CHIC1: variants seen among roughly 807,000 people sequenced by gnomAD.
The protein encoded by CHIC1 is cysteine-rich hydrophobic domain-containing protein 1.
A neutral mutation model predicts 18.5 loss-of-function variants in CHIC1; 7 were observed. That is an observed-to-expected ratio of 0.38 (90% CI 0.22 to 0.71). The LOEUF is 0.71. CHIC1 is among the 30% of genes least tolerant of loss of function. The probability of loss-of-function intolerance (pLI) is 0.49; values close to 1 mark genes in which losing one functional copy is unlikely to be tolerated. For missense variants in CHIC1, 159 were observed against 176.9 expected (o/e 0.90, Z 0.57); for synonymous variants, 77 against 73.5 (o/e 1.05, Z -0.25).
chrX:73,644,540 A>G (rs1488564806), intron 3 of CHIC1, among the ~76,000 whole-genome samples: 3 of 112,315 alleles, frequency 2.7e-5, no homozygotes, highest in South Asian at 3.7e-4. Flanking sequence ...CACCCAGTTC[A>G]AGCTTCCCGG....
At position 73,632,763 on chromosome X, in the gene CHIC1, CT is replaced by C. The variant is rs778008597; in HGVS notation, c.508-46540del. ...TAACCACCATTACAGTATTGTTATT[CT>C]TTTTTTTTTTTTTTTTTTTTTTGAG... On this transcript the variant is annotated intron_variant, in intron 3 of 5. Transcript: ENST00000373502. 2.8e-3 allele frequency among the ~76,000 whole-genome samples: 177 copies of C among 63,633 alleles called. 1 individual carries two copies. Among genetic ancestry groups the C allele is most frequent in the South Asian group, 5.5e-3 (7 of 1,268 alleles). 55.3% of individuals were successfully genotyped at this position (63,633 alleles called of 115,157 possible). A position where few individuals can be genotyped will look rare whatever the true frequency, so the allele number is the denominator to read the frequency against.
intron 3 of CHIC1, among the ~76,000 whole-genome samples, chrX:73,641,584 G>A (rs1050951171): frequency 5.4e-5 from 6 of 110,177 alleles, no homozygotes; most frequent in South Asian, 7.9e-4. Context: ...AGTTACCTAC[G>A]TATACATGTG....
At chrX:73,645,056 T>C (rs1200945435) in intron 3 of CHIC1, among the ~76,000 whole-genome samples, 1 of 112,318 alleles carries the variant, frequency 8.9e-6, no homozygotes, top group Non-Finnish European at 1.9e-5. Flanking sequence ...ACCCGTCTTC[T>C]GCGTCGCTCA....
At chrX:73,620,784 T>C (rs1201210149) in intron 3 of CHIC1, among the ~76,000 whole-genome samples, 1 of 112,148 alleles carries the variant, frequency 8.9e-6, no homozygotes, top group East Asian at 2.8e-4. Context: ...CATGCCTATG[T>C]CCTGAATGGT....
At chrX:73,564,791 G>GTTTTTTT (rs370930878) in intron 1 of CHIC1, among the ~76,000 whole-genome samples, 8 of 58,366 alleles carry the variant, frequency 1.4e-4, no homozygotes, top group African/African-American at 2.3e-4. Flanking sequence ...AACATGTTGA[G>GTTTTTTT]TTTTTTTTTT....
chrX:73,684,097 G>GTATT lies in CHIC1; in HGVS notation c.*3093_*3096dup, dbSNP rs1317403570. ...CTAGGTCTAAGAATACTTTACTAGT[G>GTATT]TATTATCTTTTATTTATTATGTAAA... On this transcript the variant is annotated 3_prime_UTR_variant, in exon 6 of 6. Coordinates refer to ENST00000373502, the MANE Select transcript of CHIC1 (RefSeq NM_001039840.4). The GTATT allele has an allele frequency of 9.0e-6, 1 of 111,605 alleles. No individual in the cohort carries two copies. Among genetic ancestry groups the GTATT allele is most frequent in the African/African-American group, 3.2e-5 (1 of 30,787 alleles). The allele number at this position is 111,605 out of a possible 1,213,427, so 9.2% of individuals were successfully genotyped here. A position where few individuals can be genotyped will look rare whatever the true frequency, so the allele number is the denominator to read the frequency against.
At chrX:73,595,100 C>A (rs983766524) in intron 3 of CHIC1, among the ~76,000 whole-genome samples, 6 of 111,094 alleles carry the variant, frequency 5.4e-5, no homozygotes, top group African/African-American at 1.6e-4. Flanking sequence ...GATTTCAATT[C>A]TTTTGGGTAT....
chrX:73,595,033 G>T (rs1403952342), intron 3 of CHIC1, among the ~76,000 whole-genome samples: 2 of 110,722 alleles, frequency 1.8e-5, no homozygotes, highest in African/African-American at 6.6e-5. Flanking sequence ...CCACCTTTTG[G>T]CTATTGGGAA....
At chrX:73,581,853 G>C (rs2057529247) in intron 2 of CHIC1, among the ~76,000 whole-genome samples, 1 of 110,791 alleles carries the variant, frequency 9.0e-6, no homozygotes, top group Non-Finnish European at 1.9e-5. Context: ...TAATGTTTTT[G>C]TTTTCAATTC....
chrX:73,674,002 A>G (rs1234641766), intron 3 of CHIC1, among the ~76,000 whole-genome samples: 1 of 112,011 alleles, frequency 8.9e-6, no homozygotes, highest in Non-Finnish European at 1.9e-5. Flanking sequence ...ATCTATTGCG[A>G]TAATCATGTA....
chrX:73,630,448 G>A (rs1243236126), intron 3 of CHIC1, among the ~76,000 whole-genome samples: 2 of 111,046 alleles, frequency 1.8e-5, no homozygotes, highest in Non-Finnish European at 3.8e-5. Flanking sequence ...TTTTTATTAT[G>A]AAATGATGTT....
chrX:73,609,436 C>G (rs1431953692), intron 3 of CHIC1, among the ~76,000 whole-genome samples: 1 of 108,891 alleles, frequency 9.2e-6, no homozygotes, highest in Non-Finnish European at 1.9e-5. Context: ...ATTTCTTGCT[C>G]TCTTGCCTAT....
rs772645131 is a variant in CHIC1 at position 73,683,850 on chromosome X, A to AAT, written c.*2848_*2849dup. 1.8e-5 allele frequency: 2 copies of AAT among 111,941 alleles called. No homozygotes were observed. Among genetic ancestry groups the AAT allele is most frequent in the Admixed American group, 1.9e-4 (2 of 10,441 alleles). The allele number at this position is 111,941 out of a possible 1,213,427, so 9.2% of individuals were successfully genotyped here. A position where few individuals can be genotyped will look rare whatever the true frequency, so the allele number is the denominator to read the frequency against. On this transcript the variant is annotated 3_prime_UTR_variant, in exon 6 of 6. Transcript: ENST00000373502. ...AATAACATGTTTATTCCTAATAACT[A>AAT]ATATGGGCAAGTGTTATTTACAGAT...
chrX:73,634,512 C>A (rs2057822648), intron 3 of CHIC1, among the ~76,000 whole-genome samples: 1 of 112,024 alleles, frequency 8.9e-6, no homozygotes, highest in African/African-American at 3.3e-5. Context: ...GGGCACCATC[C>A]ACAAGGTTGT....
At chrX:73,639,466 A>G (rs141715316) in intron 3 of CHIC1, among the ~76,000 whole-genome samples, 1,642 of 111,342 alleles carry the variant, frequency 0.015, 14 homozygotes, top group Non-Finnish European at 0.022. Flanking sequence ...CATTTTGTAC[A>G]TTGTTTTCTC....
intron 3 of CHIC1, among the ~76,000 whole-genome samples, chrX:73,677,302 T>G (rs2058070899): frequency 8.9e-6 from 1 of 112,149 alleles, no homozygotes; most frequent in Admixed American, 9.4e-5. Context: ...ACTGCTGTCT[T>G]TTTGTTTGTC....
intron 3 of CHIC1, among the ~76,000 whole-genome samples, chrX:73,648,254 TCAACAACAA>T (rs370803853): frequency 0.047 from 5,179 of 109,257 alleles, 315 homozygotes; most frequent in African/African-American, 0.16. Flanking sequence ...AGAGAAAGAA[TCAACAACAA>T]CAACAACAAC....
intron 3 of CHIC1, among the ~76,000 whole-genome samples, chrX:73,655,340 A>G (rs2057937347): frequency 9.7e-6 from 1 of 103,620 alleles, no homozygotes; most frequent in Admixed American, 1.1e-4. Context: ...TATACACTAT[A>G]TATACACACA....
chrX:73,645,528 C>T, intron 3 of CHIC1, among the ~76,000 whole-genome samples: 1 of 112,258 alleles, frequency 8.9e-6, no homozygotes. Context: ...TTTCTGTCAA[C>T]AGTGTCAAAG....
Sources: gnomAD v4.1 joint callset for allele counts (sites outside exome capture counted in the v4.1 genomes callset) on GRCh38, gnomAD v4.1.1 for gene constraint, MANE v1.5 for transcripts, NCBI Gene and HGNC (gene_info 2026-07-23, HGNC 2026-07-21) for gene names.